MUC6: variants seen among roughly 807,000 people sequenced by gnomAD.
MUC6 encodes the protein mucin 6, oligomeric mucus/gel-forming (gene/pseudogene), also known as mucin-6.
In MUC6, 188 loss-of-function variants were observed where a neutral mutation model predicts 201.5. The ratio of observed to expected loss-of-function variants is 0.93; its 90% confidence interval spans 0.83 to 1.05. The LOEUF (loss-of-function observed/expected upper bound fraction) is 1.05. MUC6 is among the 50% of genes least tolerant of loss of function. The pLI, the probability that MUC6 is intolerant of heterozygous loss-of-function variation, is 0.00. For synonymous variants in MUC6, 1,228 were observed against 1,389.4 expected (o/e 0.88, Z 2.58); for missense variants, 2,706 against 3,256.9 (o/e 0.83, Z 4.12).
chr11:1,024,887 C>T lies in MUC6; in HGVS notation c.3182G>A (p.Cys1061Tyr). The change falls in exon 24 of 33, where the codon TGC (cysteine) becomes TAC (tyrosine). Residue 1061 changes from cysteine (C) to tyrosine (Y), a missense_variant. By Grantham distance (194) the Cys-to-Tyr change is radical. Transcript: ENST00000421673. ...AAAGGTCTGGCTGTTGATGACGCTGCACTTGCGCTCGGCCCAGGAGCGCCG... is the reference window on the plus strand; with the variant it reads ...AAAGGTCTGGCTGTTGATGACGCTGTACTTGCGCTCGGCCCAGGAGCGCCG... ...AFRRSWAERK[C>Y]SVINSQTFAT... The T allele has an allele frequency of 1.2e-6, 2 of 1,612,634 alleles. No homozygotes were observed. Among genetic ancestry groups the T allele is most frequent in the Non-Finnish European group, 1.7e-6 (2 of 1,179,804 alleles).
Position 1,019,443 on chromosome 11 carries a change from G to A in MUC6, c.3862C>T (p.Pro1288Ser), listed in dbSNP as rs1221210221. Residue 1288 changes from proline to serine, a missense_variant, in exon 30 of 33, where the codon CCC (proline) becomes TCC (serine). Pro to Ser is a moderately conservative substitution (Grantham distance 74). Coordinates refer to ENST00000421673, the MANE Select transcript of MUC6 (RefSeq NM_005961.3). The part of the protein sequence containing the change: ...VTPQATSGLP[P>S]TATLRSTATK... ...GCTGTCGATCTCAGTGTGGCTGTGG[G>A]AGGCAGCCCTGATGTGGCTTGTGGG... 1 of 1,613,838 alleles carries A rather than the reference G, an allele frequency of 6.2e-7. No homozygotes were observed. The highest frequency in any genetic ancestry group is 1.3e-5 in the African/African-American group (1 of 74,910).
At chr11:1,032,374 G>T (rs918003701) in intron 2 of MUC6, among the ~76,000 whole-genome samples, 33 of 152,152 alleles carry the variant, frequency 2.2e-4, no homozygotes, top group African/African-American at 7.7e-4. Context: ...GTGGGTGTGT[G>T]TGTGTTGGAG....
At chr11:1,030,370 A>AG in intron 7 of MUC6, 35 bp from the exon 8 acceptor site, 1 of 992,836 alleles carries the variant, frequency 1.0e-6, no homozygotes, top group Admixed American at 3.0e-5. Context: ...AGAGGGTCCC[A>AG]CCCCCCCCAC....
chr11:1,032,794 C>T (rs772655235), intron 2 of MUC6, among the ~76,000 whole-genome samples: 12 of 145,032 alleles, frequency 8.3e-5, no homozygotes, highest in Non-Finnish European at 1.8e-4. Context: ...TGTGCTCATG[C>T]ATGTGTCATG....
rs983598437 is a variant in MUC6 at position 1,028,336 on chromosome 11, A to T, written c.1643T>A (p.Met548Lys). ...CGAGGCGGTGCCCTCGGCGATACCCATGCTAGTGGTGAAGTCATCCGTTGT... is the reference window on the plus strand; with the variant it reads ...CGAGGCGGTGCCCTCGGCGATACCCTTGCTAGTGGTGAAGTCATCCGTTGT... ...GDTTDDFTTS[M>K]GIAEGTASLF... Residue 548 changes from methionine to lysine, a missense_variant, in exon 14 of 33, where the codon ATG (methionine) becomes AAG (lysine). Transcript: ENST00000421673. 2 of 1,612,614 alleles carry T rather than the reference A, an allele frequency of 1.2e-6. No individual in the cohort carries two copies. The highest frequency in any genetic ancestry group is 1.7e-6 in the Non-Finnish European group (2 of 1,179,828).
chr11:1,018,667 T>G lies in MUC6; in HGVS notation c.4134A>C (p.Gly1378=). Reference sequence around the variant, plus strand: ...CTGTGGCTGTGGGCCTCGTGGGTTGTCCTGGCTGTGGGGTGGTTGGGCCTG... The same window carrying G: ...CTGTGGCTGTGGGCCTCGTGGGTTGGCCTGGCTGTGGGGTGGTTGGGCCTG... ...STTGPTTPQP[G]QPTRPTATET... is the part of the protein sequence containing the mutation. Residue 1378 remains glycine, a synonymous_variant, in exon 31 of 33, where the codon GGA becomes GGC. Coordinates refer to ENST00000421673, the MANE Select transcript of MUC6 (RefSeq NM_005961.3). The G allele has an allele frequency of 6.2e-7, 1 of 1,613,216 alleles. No homozygotes were observed.
chr11:1,016,527 A>G lies in MUC6; in HGVS notation c.6274T>C (p.Ser2092Pro), dbSNP rs201550130. ...TASSSFISSSSWLPQNSSSRP... is the reference protein window; with the variant it reads ...TASSSFISSSPWLPQNSSSRP... ...GAGCTAGAGTTCTGAGGCAGCCAAG[A>G]CGAGGAGGATATGAAGGAAGAAGAG... is the stretch of plus-strand genomic sequence containing the variant. Residue 2092 changes from serine to proline, a missense_variant, in exon 31 of 33, where the codon TCT (serine) becomes CCT (proline). Physicochemically the swap from Ser to Pro is moderately conservative, Grantham distance 74 (BLOSUM62 -1). Coordinates refer to ENST00000421673, the MANE Select transcript of MUC6 (RefSeq NM_005961.3). 1.2e-6 allele frequency: 2 copies of G among 1,613,292 alleles called. No individual in the cohort carries two copies.
At position 1,013,957 on chromosome 11, in the gene MUC6, C is replaced by T; in HGVS notation, c.7084G>A (p.Gly2362Arg). Residue 2362 changes from glycine to arginine, a missense_variant, in exon 32 of 33, where the codon GGG becomes AGG. By Grantham distance (125) the Gly-to-Arg change is moderately radical. Around this residue, in one of 10 missense-constraint regions of MUC6, gnomAD observed 586 missense variants for 488.0 expected, o/e 1.20. Transcript: ENST00000421673. ...GTTACCGTCACGTTCGCCATGCACC[C>T]CTTGAACGTGATCTCCTCCTGCTGC... The part of the protein sequence containing the change: ...REQQEEITFK[G>R]CMANVTVTRC... 6.2e-7 allele frequency: 1 copy of T among 1,609,472 alleles called. No individual in the cohort carries two copies. Among genetic ancestry groups the T allele is most frequent in the Non-Finnish European group, 8.5e-7 (1 of 1,178,542 alleles).
intron 26 of MUC6, 97 bp downstream of exon 26, chr11:1,023,412 A>G: frequency 1.4e-6 from 2 of 1,398,638 alleles, no homozygotes; most frequent in Non-Finnish European, 1.9e-6. Context: ...GCATGAATGA[A>G]TGTGTGAATG....
intron 29 of MUC6, 173 bp downstream of exon 29, chr11:1,019,917 G>A (rs759055030): frequency 7.7e-5 from 69 of 899,192 alleles, no homozygotes; most frequent in Non-Finnish European, 1.1e-4. Context: ...GTCTTTAAAA[G>A]TTTTTCCGAA....
At chr11:1,034,699 A>G (rs924849114) in intron 1 of MUC6, among the ~76,000 whole-genome samples, 2 of 151,774 alleles carry the variant, frequency 1.3e-5, no homozygotes, top group African/African-American at 4.8e-5. Context: ...CAGTTTCTCC[A>G]CCTTTCCGAT....
Position 1,030,789 on chromosome 11 carries a change from G to A in MUC6, c.685-9C>T. The stretch of plus-strand genomic sequence containing the variant: ...TGGGTGCAGATCCGGGCCTGGGGGG[G>A]CCACTCAGGGTCATGGGGGCAAAGG... On this transcript the variant is annotated splice_polypyrimidine_tract_variant and intron_variant, in intron 6 of 32. Transcript: ENST00000421673. 2.6e-6 allele frequency: 4 copies of A among 1,534,882 alleles called. No individual in the cohort carries two copies. Among genetic ancestry groups the A allele is most frequent in the Non-Finnish European group, 3.5e-6 (4 of 1,146,066 alleles).
At chr11:1,015,660 C>A in intron 31 of MUC6, 102 bp downstream of exon 31, 1 of 1,471,806 alleles carries the variant, frequency 6.8e-7, no homozygotes, top group African/African-American at 1.4e-5. Context: ...GCGTGTGGTC[C>A]TGGGATCACA....
At chr11:1,014,560 G>A (rs545620762) in intron 31 of MUC6, among the ~76,000 whole-genome samples, 284 of 152,358 alleles carry the variant, frequency 1.9e-3, no homozygotes, top group African/African-American at 6.5e-3. Flanking sequence ...CTCAGCGAGA[G>A]GCCTGGGTAC....
At position 1,031,064 on chromosome 11, in the gene MUC6, G is replaced by A; in HGVS notation, c.575-8C>T. 1.3e-6 allele frequency: 2 copies of A among 1,553,846 alleles called. No individual in the cohort carries two copies. The highest frequency in any genetic ancestry group is 1.2e-5 in the South Asian group (1 of 84,158). On this transcript the variant is annotated splice_polypyrimidine_tract_variant and splice_region_variant and intron_variant, in intron 5 of 32. Coordinates refer to ENST00000421673, the MANE Select transcript of MUC6 (RefSeq NM_005961.3). ...GGGGTTCCAGGAACTTGCCTGGGGT[G>A]CAGAATGGGGGTCAGCACCGTGGGG...
At chr11:1,035,006 G>A (rs1424996419) in intron 1 of MUC6, among the ~76,000 whole-genome samples, 1 of 152,324 alleles carries the variant, frequency 6.6e-6, no homozygotes. Context: ...GCATCTGGGC[G>A]GGTTGGTCCG....
chr11:1,025,350 C>T lies in MUC6; in HGVS notation c.2817G>A (p.Leu939=). Residue 939 remains leucine (L), a synonymous_variant, in exon 23 of 33, where the codon CTG becomes CTA. Transcript: ENST00000421673. The part of the protein sequence containing the change: ...KIFLGGLSVV[L]ADRNYTVTGE... ...CGGTGACCGTGTAGTTTCTGTCCGCCAGCACCACGGACAGGCCCTGTGGGG... is the reference window on the plus strand; with the variant it reads ...CGGTGACCGTGTAGTTTCTGTCCGCTAGCACCACGGACAGGCCCTGTGGGG... The T allele has an allele frequency of 6.2e-7, 1 of 1,610,514 alleles. No homozygotes were observed. Among genetic ancestry groups the T allele is most frequent in the Non-Finnish European group, 8.5e-7 (1 of 1,178,370 alleles).
intron 1 of MUC6, among the ~76,000 whole-genome samples, chr11:1,035,333 G>A (rs958459967): frequency 7.9e-5 from 12 of 152,172 alleles, no homozygotes; most frequent in Non-Finnish European, 1.6e-4. Context: ...GTGGCCCGAG[G>A]GACTAGGGGT....
In MUC6 at chr11:1,033,864, G is replaced by A. The variant is rs1857163370; in HGVS notation, c.53-789C>T. Among the ~76,000 whole-genome samples the A allele has an allele frequency of 1.3e-5, 2 of 151,994 alleles. No homozygotes were observed. The highest frequency in any genetic ancestry group is 1.3e-4 in the Admixed American group (2 of 15,266). The stretch of plus-strand genomic sequence containing the variant: ...ATGTCTGAGTGGTGGTGCGGCACCT[G>A]AGCAGGACCCGTGACCTCTCCAGGC... On this transcript the variant is annotated intron_variant, in intron 1 of 32. Coordinates refer to ENST00000421673, the MANE Select transcript of MUC6 (RefSeq NM_005961.3). This position sits in a 1 kb window ranked among gnomAD's most constrained non-coding sequence, Gnocchi z 5.6.
Sources: allele counts gnomAD v4.1 joint callset (sites outside exome capture counted in the v4.1 genomes callset), GRCh38; gene constraint gnomAD v4.1.1; regional missense constraint gnomAD v4.1.1; non-coding constraint Gnocchi (gnomAD v3.1); transcripts MANE v1.5; gene names NCBI Gene and HGNC (gene_info 2026-07-23, HGNC 2026-07-21).